ANKRD44: variants seen among roughly 807,000 people sequenced by gnomAD.
The protein encoded by ANKRD44 is ankyrin repeat domain 44, also known as serine/threonine-protein phosphatase 6 regulatory ankyrin repeat subunit B.
Under a neutral mutation model 116.0 loss-of-function variants are expected in ANKRD44, and 35 were observed. That is an observed-to-expected ratio of 0.30 (90% CI 0.23 to 0.40). ANKRD44 has a LOEUF of 0.40. Ranked by LOEUF, ANKRD44 falls within the 10% of genes least tolerant of loss-of-function variation. The probability of loss-of-function intolerance (pLI) is 1.00; values close to 1 mark genes in which losing one functional copy is unlikely to be tolerated. For synonymous variants in ANKRD44, 435 were observed against 461.8 expected, an observed-to-expected ratio of 0.94 and a Z score of 0.74; for missense variants, 1,014 against 1,242.6, an observed-to-expected ratio of 0.82 and a Z score of 2.77.
At position 196,995,390 on chromosome 2, in the gene ANKRD44, A is replaced by G. The variant is rs1387982908; in HGVS notation, c.2820T>C (p.Asn940=). The G allele has an allele frequency of 3.7e-6, 6 of 1,611,712 alleles. No homozygotes were observed. The Admixed American group carries it at 1.0e-4, about 27-fold the overall frequency. Residue 940 remains asparagine (N), a synonymous_variant, in exon 26 of 28, where the codon AAT becomes AAC. Coordinates refer to ENST00000282272, the MANE Select transcript of ANKRD44 (RefSeq NM_001195144.2). Reference sequence around the variant, plus strand: ...GTAGTTACACTTACGTCTGCAGTGCATTATTTTTTTCATTAATAAGGCTCT... The same window carrying G: ...GTAGTTACACTTACGTCTGCAGTGCGTTATTTTTTTCATTAATAAGGCTCT... ...QDESLINEKN[N]ALQTPLHVAA...
chr2:197,246,349 G>GCTTT (rs2082190364), intron 1 of ANKRD44, among the ~76,000 whole-genome samples: 1 of 8,942 alleles, frequency 1.1e-4, no homozygotes, highest in African/African-American at 4.5e-4. Flanking sequence ...ACTACATCTG[G>GCTTT]CTTTTTTTTT....
At chr2:197,280,250 A>G (rs1288327027) in intron 1 of ANKRD44, among the ~76,000 whole-genome samples, 1 of 152,242 alleles carries the variant, frequency 6.6e-6, no homozygotes, top group East Asian at 1.9e-4. Context: ...GAATGAAATT[A>G]GCATAAAGAA....
At chr2:197,160,329 T>G (rs2079929095) in intron 2 of ANKRD44, among the ~76,000 whole-genome samples, 1 of 152,248 alleles carries the variant, frequency 6.6e-6, no homozygotes, top group Non-Finnish European at 1.5e-5. Context: ...ATCCCAATTT[T>G]TTTAGTTCTC....
At chr2:197,104,163 C>T (rs1051060313) in intron 9 of ANKRD44, among the ~76,000 whole-genome samples, 3 of 152,140 alleles carry the variant, frequency 2.0e-5, no homozygotes, top group African/African-American at 7.2e-5. Flanking sequence ...CTTTGTCACC[C>T]AGGCTGGAGT....
chr2:197,309,226 T>A (rs1325148553), intron 1 of ANKRD44, among the ~76,000 whole-genome samples: 1 of 152,220 alleles, frequency 6.6e-6, no homozygotes, highest in Non-Finnish European at 1.5e-5. Context: ...TGGCAAAGTA[T>A]GTGACCAAAA....
At chr2:197,273,980 AATATATATATATATATATAT>A (rs1164251927) in intron 1 of ANKRD44, among the ~76,000 whole-genome samples, 5 of 43,928 alleles carry the variant, frequency 1.1e-4, no homozygotes, top group African/African-American at 4.1e-4. Flanking sequence ...AAAAAAAAAA[AATATATATATATATATATAT>A]ATATATATAT....
At chr2:197,235,748 A>G (rs1037918269) in intron 1 of ANKRD44, among the ~76,000 whole-genome samples, 7 of 152,038 alleles carry the variant, frequency 4.6e-5, no homozygotes, top group Non-Finnish European at 1.0e-4. Flanking sequence ...AATATTATAT[A>G]CAAAGATATA....
chr2:197,026,044 A>AAAC (rs2076585976), intron 16 of ANKRD44, among the ~76,000 whole-genome samples: 1 of 109,450 alleles, frequency 9.1e-6, no homozygotes, highest in South Asian at 3.5e-4. Context: ...AGATAAAAAG[A>AAAC]AACAAAAAAA....
At chr2:197,037,917 G>A (rs1222108880) in intron 16 of ANKRD44, among the ~76,000 whole-genome samples, 1 of 152,078 alleles carries the variant, frequency 6.6e-6, no homozygotes, top group Non-Finnish European at 1.5e-5. Flanking sequence ...ACTCCAGCCT[G>A]GGCAACAGGG....
At chr2:197,217,668 TG>T (rs2125715257) in intron 1 of ANKRD44, among the ~76,000 whole-genome samples, 1 of 152,342 alleles carries the variant, frequency 6.6e-6, no homozygotes, top group East Asian at 1.9e-4. Context: ...ATAACGGTTC[TG>T]AGCCACTCAT....
At chr2:197,241,623 TA>T (rs1174888072) in intron 1 of ANKRD44, among the ~76,000 whole-genome samples, 5 of 151,912 alleles carry the variant, frequency 3.3e-5, no homozygotes, top group South Asian at 2.1e-4. Context: ...ATGTAAAATT[TA>T]AAAAAAACAT....
intron 9 of ANKRD44, among the ~76,000 whole-genome samples, chr2:197,101,301 T>C (rs1380106740): frequency 1.3e-5 from 2 of 152,190 alleles, no homozygotes; most frequent in African/African-American, 2.4e-5. Flanking sequence ...TTGGACGCTC[T>C]ACATTCTGGA....
intron 21 of ANKRD44, among the ~76,000 whole-genome samples, chr2:196,973,244 A>G (rs1014443949): frequency 6.6e-6 from 1 of 152,136 alleles, no homozygotes; most frequent in Admixed American, 6.5e-5. Flanking sequence ...CTTTTTCTGT[A>G]AAGTATTAAT....
At chr2:196,994,374 AG>A (rs1410907057) in intron 26 of ANKRD44, among the ~76,000 whole-genome samples, 1 of 151,906 alleles carries the variant, frequency 6.6e-6, no homozygotes, top group African/African-American at 2.4e-5. Flanking sequence ...TTTGTAGAGA[AG>A]GGGTTTCATC....
chr2:197,131,494 G>A (rs2079095717), intron 4 of ANKRD44, among the ~76,000 whole-genome samples: 1 of 152,188 alleles, frequency 6.6e-6, no homozygotes, highest in Non-Finnish European at 1.5e-5. Flanking sequence ...CCCGGCGATA[G>A]TAAGTACTTA....
chr2:197,137,731 T>C (rs921278722), intron 3 of ANKRD44, among the ~76,000 whole-genome samples: 11 of 152,212 alleles, frequency 7.2e-5, no homozygotes, highest in African/African-American at 2.4e-4. Context: ...TTTGATTTCA[T>C]TGGTTTCAGA....
chr2:197,065,311 G>C lies in ANKRD44; in HGVS notation c.1650+13392C>G, dbSNP rs1474894928. 2.0e-5 allele frequency among the ~76,000 whole-genome samples: 3 copies of C among 152,222 alleles called. No individual in the cohort carries two copies. In the East Asian group the frequency reaches 5.8e-4, roughly 29 times the overall value. On this transcript the variant is annotated intron_variant, in intron 16 of 27. Coordinates refer to ENST00000282272, the MANE Select transcript of ANKRD44 (RefSeq NM_001195144.2). ...TGGGACACATTTAAAGCAGTGTGTA[G>C]AGGGAAATTTATAGCACTAAATACC...
chr2:197,002,320 T>A (rs2076128195), intron 21 of ANKRD44, among the ~76,000 whole-genome samples: 1 of 152,230 alleles, frequency 6.6e-6, no homozygotes, highest in South Asian at 2.1e-4. Context: ...TATATGTGTT[T>A]TAACTGCCCC....
chr2:197,063,786 A>G (rs1177872452), intron 16 of ANKRD44, among the ~76,000 whole-genome samples: 1 of 152,236 alleles, frequency 6.6e-6, no homozygotes, highest in Admixed American at 6.5e-5. Flanking sequence ...AAAGCCTCCA[A>G]GAAATATGGG....
Sources: allele counts gnomAD v4.1 joint callset (sites outside exome capture counted in the v4.1 genomes callset), GRCh38; gene constraint gnomAD v4.1.1; transcripts MANE v1.5; gene names NCBI Gene and HGNC (gene_info 2026-07-23, HGNC 2026-07-21).